The following MXI1 variants were observed in gnomAD, a reference collection of about 807,000 sequenced individuals.
MXI1 encodes the protein max-interacting protein 1.
MXI1 carries 18 observed loss-of-function variants against 36.9 expected under a neutral mutation model. The ratio of observed to expected loss-of-function variants is 0.49; its 90% confidence interval spans 0.34 to 0.72. The LOEUF (loss-of-function observed/expected upper bound fraction) is 0.72, where lower values mean the gene tolerates loss of function less well. Among genes scored for constraint, MXI1 ranks in the 30% least tolerant of loss-of-function variants. MXI1 has a pLI of 0.01. For missense variants in MXI1, 304 were observed against 379.1 expected, an observed-to-expected ratio of 0.80 and a Z score of 1.64; for synonymous variants, 160 against 146.7, an observed-to-expected ratio of 1.09 and a Z score of -0.65.
In MXI1 at chr10:110,216,665, G is replaced by GTTTTTTTTTT. The variant is rs10656872; in HGVS notation, c.274+8594_274+8603dup. On this transcript the variant is annotated intron_variant, in intron 1 of 5. Coordinates refer to ENST00000332674, the MANE Select transcript of MXI1 (RefSeq NM_130439.3). ...CCTGTCTCCCCTATCTGTGTTTAAT[G>GTTTTTTTTTT]TTTTTTTTTTTTTTTTTTTTGGAGA... 1.5e-3 allele frequency among the ~76,000 whole-genome samples: 115 copies of GTTTTTTTTTT among 79,032 alleles called. 12 individuals carry two copies. Among genetic ancestry groups the GTTTTTTTTTT allele is most frequent in the African/African-American group, 7.2e-3 (90 of 12,564 alleles). 51.8% of individuals were successfully genotyped at this position (79,032 alleles called of 152,430 possible). A position where few individuals can be genotyped will look rare whatever the true frequency, so the allele number is the denominator to read the frequency against.
At chr10:110,230,655 A>T (rs1855226844) in intron 2 of MXI1, among the ~76,000 whole-genome samples, 1 of 152,212 alleles carries the variant, frequency 6.6e-6, no homozygotes, top group Non-Finnish European at 1.5e-5. Flanking sequence ...GCTTCATGGA[A>T]GTAAGGAGAG....
intron 5 of MXI1, among the ~76,000 whole-genome samples, chr10:110,280,718 C>T (rs1345053911): frequency 2.0e-5 from 3 of 151,532 alleles, no homozygotes; most frequent in African/African-American, 7.3e-5. Context: ...TTGTGCCTTT[C>T]TCAATCCATT....
intron 3 of MXI1, among the ~76,000 whole-genome samples, chr10:110,254,985 A>T: frequency 6.6e-6 from 1 of 152,020 alleles, no homozygotes; most frequent in African/African-American, 2.4e-5. Flanking sequence ...TTCAAAGTAG[A>T]CGAAACCATC....
intron 1 of MXI1, among the ~76,000 whole-genome samples, chr10:110,209,176 G>T (rs1854443301): frequency 3.3e-5 from 5 of 152,204 alleles, no homozygotes; most frequent in Admixed American, 3.3e-4. Context: ...CGCGTGTGCA[G>T]CGTATCCAGC....
At chr10:110,251,010 TAAAAAAAAAAAA>T (rs60315131) in intron 3 of MXI1, among the ~76,000 whole-genome samples, 2 of 54,962 alleles carry the variant, frequency 3.6e-5, no homozygotes, top group Non-Finnish European at 6.2e-5. Flanking sequence ...AAGTATTTGT[TAAAAAAAAAAAA>T]AAAAAAAAAA....
intron 3 of MXI1, among the ~76,000 whole-genome samples, chr10:110,275,410 T>C (rs541628957): frequency 2.6e-5 from 4 of 152,194 alleles, no homozygotes; most frequent in East Asian, 1.9e-4. Context: ...GGGAGACTTA[T>C]GGGGGAAAGG....
intron 2 of MXI1, among the ~76,000 whole-genome samples, chr10:110,234,387 A>AT (rs1855383482): frequency 1.3e-5 from 2 of 152,098 alleles, no homozygotes; most frequent in Admixed American, 6.5e-5. Flanking sequence ...ATAAACATGC[A>AT]TTTTTTGTTA....
intron 2 of MXI1, 143 bp downstream of exon 2, chr10:110,228,464 A>G (rs1855140995): frequency 1.0e-6 from 1 of 992,566 alleles, no homozygotes. Flanking sequence ...AATGAAGTCT[A>G]GAAATCATAA....
At chr10:110,266,115 T>C (rs1856669775) in intron 3 of MXI1, among the ~76,000 whole-genome samples, 1 of 89,444 alleles carries the variant, frequency 1.1e-5, no homozygotes. Flanking sequence ...CTTTTCTTTC[T>C]TTTTTTTTTT....
At chr10:110,245,212 T>C (rs3793888) in intron 3 of MXI1, among the ~76,000 whole-genome samples, 36,344 of 152,060 alleles carry the variant, frequency 0.24, 5,359 homozygotes, top group African/African-American at 0.42. Context: ...TTGGAGGGCA[T>C]TGAATTTTTC....
intron 3 of MXI1, chr10:110,257,979 G>A (rs1026887032): frequency 1.3e-5 from 2 of 153,680 alleles, no homozygotes; most frequent in Admixed American, 6.5e-5. Flanking sequence ...GATATTGAAA[G>A]AATTTACTAG....
At chr10:110,215,995 T>G (rs541372965) in intron 1 of MXI1, among the ~76,000 whole-genome samples, 1 of 152,342 alleles carries the variant, frequency 6.6e-6, no homozygotes, top group East Asian at 1.9e-4. Context: ...CTGATGTCAT[T>G]GTACCCGAGT....
intron 3 of MXI1, among the ~76,000 whole-genome samples, chr10:110,264,117 T>A (rs1050812668): frequency 3.9e-5 from 6 of 152,130 alleles, no homozygotes; most frequent in Non-Finnish European, 8.8e-5. Flanking sequence ...CATATACACA[T>A]CTTTTTTTCC....
chr10:110,281,890 A>G (rs1857263513), intron 5 of MXI1, among the ~76,000 whole-genome samples: 1 of 152,232 alleles, frequency 6.6e-6, no homozygotes, highest in Admixed American at 6.5e-5. Flanking sequence ...GGTCATTTTA[A>G]TACATTTATA....
chr10:110,266,689 A>G (rs1856687471), intron 3 of MXI1, among the ~76,000 whole-genome samples: 1 of 152,162 alleles, frequency 6.6e-6, no homozygotes, highest in South Asian at 2.1e-4. Context: ...TGAAGAGCCT[A>G]CTAACTTTTG....
chr10:110,257,445 A>C, intron 3 of MXI1: 1 of 151,954 alleles, frequency 6.6e-6, no homozygotes, highest in Non-Finnish European at 1.5e-5. Flanking sequence ...AGTAGCTGGG[A>C]TTACAGGCAC....
At chr10:110,247,623 T>C (rs1036189489) in intron 3 of MXI1, among the ~76,000 whole-genome samples, 5 of 152,106 alleles carry the variant, frequency 3.3e-5, no homozygotes, top group Non-Finnish European at 5.9e-5. Context: ...ATCAGAGAAA[T>C]GCAAATCAAA....
chr10:110,230,248 C>T (rs1447453066), intron 2 of MXI1, among the ~76,000 whole-genome samples: 7 of 152,298 alleles, frequency 4.6e-5, no homozygotes, highest in East Asian at 3.9e-4. Flanking sequence ...TGTTGACTTA[C>T]GCTTTGCTCA....
chr10:110,229,589 C>T (rs1855188657), intron 2 of MXI1, among the ~76,000 whole-genome samples: 1 of 152,150 alleles, frequency 6.6e-6, no homozygotes, highest in Admixed American at 6.6e-5. Context: ...AGCTTCTTTT[C>T]ATTAAGACTA....
Sources: gnomAD v4.1 joint callset for allele counts (sites outside exome capture counted in the v4.1 genomes callset) on GRCh38, gnomAD v4.1.1 for gene constraint, MANE v1.5 for transcripts, NCBI Gene and HGNC (gene_info 2026-07-23, HGNC 2026-07-21) for gene names.